CHCHD6: variants seen among roughly 807,000 people sequenced by gnomAD.
CHCHD6 encodes MICOS complex subunit MIC25.
CHCHD6 carries 28 observed loss-of-function variants against 32.3 expected under a neutral mutation model. The ratio of observed to expected loss-of-function variants is 0.87; its 90% CI spans 0.64 to 1.19. The LOEUF is 1.19. Among genes scored for constraint, CHCHD6 ranks in the 50% most tolerant of loss-of-function variants. The pLI is 0.00. For missense variants in CHCHD6, 333 were observed against 307.0 expected (o/e 1.08, Z -0.63); for synonymous variants, 122 against 117.5 (o/e 1.04, Z -0.25).
intron 1 of CHCHD6, among the ~76,000 whole-genome samples, chr3:126,715,381 A>T (rs17693438): frequency 6.6e-6 from 1 of 152,150 alleles, no homozygotes; most frequent in East Asian, 1.9e-4. Context: ...ATGCTCTAGG[A>T]ACGGCAAGTC....
chr3:126,937,755 CT>C (rs2078502266), intron 6 of CHCHD6, among the ~76,000 whole-genome samples: 2 of 152,278 alleles, frequency 1.3e-5, no homozygotes, highest in South Asian at 4.1e-4. Context: ...TATCCTCAGG[CT>C]GACCACAGCA....
intron 6 of CHCHD6, among the ~76,000 whole-genome samples, chr3:126,953,741 C>T (rs1469655284): frequency 1.3e-5 from 2 of 152,180 alleles, no homozygotes; most frequent in African/African-American, 4.8e-5. Flanking sequence ...TGAACCCCTT[C>T]GAAGCCACAT....
At chr3:126,705,521 A>G (rs1408307994) in intron 1 of CHCHD6, among the ~76,000 whole-genome samples, 1 of 152,238 alleles carries the variant, frequency 6.6e-6, no homozygotes, top group Non-Finnish European at 1.5e-5. Context: ...AAGATCATGT[A>G]AATAGTAAGT....
At chr3:126,814,160 G>A (rs981788716) in intron 4 of CHCHD6, among the ~76,000 whole-genome samples, 3 of 152,190 alleles carry the variant, frequency 2.0e-5, no homozygotes, top group Non-Finnish European at 4.4e-5. Context: ...GTAGAGGTAG[G>A]GAAGATGTCT....
At chr3:126,776,459 G>C (rs561308700) in intron 4 of CHCHD6, among the ~76,000 whole-genome samples, 3 of 152,222 alleles carry the variant, frequency 2.0e-5, no homozygotes, top group African/African-American at 7.2e-5. Context: ...AGTCAAGCTA[G>C]AGATCACCAC....
chr3:126,949,128 T>A (rs2078679252), intron 6 of CHCHD6: 1 of 152,416 alleles, frequency 6.6e-6, no homozygotes, highest in African/African-American at 2.4e-5. Context: ...CCTCCAATGC[T>A]CCTGCTTGGC....
chr3:126,844,257 T>A (rs1012462697), intron 4 of CHCHD6, among the ~76,000 whole-genome samples: 2 of 152,240 alleles, frequency 1.3e-5, no homozygotes, highest in African/African-American at 4.8e-5. Flanking sequence ...GTTCAAATCT[T>A]CCATATCCTT....
At chr3:126,778,250 T>C (rs1258647464) in intron 4 of CHCHD6, among the ~76,000 whole-genome samples, 2 of 152,252 alleles carry the variant, frequency 1.3e-5, no homozygotes, top group Non-Finnish European at 2.9e-5. Flanking sequence ...CAAGTTTTTC[T>C]GTGGATATGT....
At chr3:126,808,626 G>A (rs1012285603) in intron 4 of CHCHD6, among the ~76,000 whole-genome samples, 7 of 152,176 alleles carry the variant, frequency 4.6e-5, no homozygotes, top group Non-Finnish European at 1.5e-5. Flanking sequence ...ATTTAACCAT[G>A]TCAATGTAGT....
intron 6 of CHCHD6, among the ~76,000 whole-genome samples, chr3:126,943,546 T>A (rs1328791980): frequency 6.6e-6 from 1 of 152,290 alleles, no homozygotes; most frequent in Non-Finnish European, 1.5e-5. Context: ...AGGCACATTT[T>A]CTGGGTGCTT....
chr3:126,742,723 T>A (rs1244473371), intron 4 of CHCHD6, among the ~76,000 whole-genome samples: 6 of 152,300 alleles, frequency 3.9e-5, no homozygotes, highest in South Asian at 4.1e-4. Context: ...ACCTCAGGAC[T>A]TCTCAGAGAG....
At chr3:126,938,070 C>A (rs1396887915) in intron 6 of CHCHD6, among the ~76,000 whole-genome samples, 1 of 152,192 alleles carries the variant, frequency 6.6e-6, no homozygotes, top group East Asian at 1.9e-4. Flanking sequence ...CCCCAGGAAT[C>A]CTGAGAAACA....
At chr3:126,743,221 G>A (rs752640673) in intron 4 of CHCHD6, among the ~76,000 whole-genome samples, 2 of 152,184 alleles carry the variant, frequency 1.3e-5, no homozygotes, top group Admixed American at 6.5e-5. Flanking sequence ...TAGGAAGGGG[G>A]AGCCCAACAT....
At chr3:126,711,270 T>C (rs1023407378) in intron 1 of CHCHD6, among the ~76,000 whole-genome samples, 1 of 152,352 alleles carries the variant, frequency 6.6e-6, no homozygotes, top group East Asian at 1.9e-4. Context: ...GGCGATCTTG[T>C]GGCAGCTGTG....
At chr3:126,864,428 TCCA>T (rs1035916093) in intron 5 of CHCHD6, among the ~76,000 whole-genome samples, 1 of 136,324 alleles carries the variant, frequency 7.3e-6, no homozygotes. Flanking sequence ...CTGCTCCTCC[TCCA>T]CCACCTTCAC....
At chr3:126,869,895 A>G (rs2077442112) in intron 5 of CHCHD6, among the ~76,000 whole-genome samples, 2 of 152,132 alleles carry the variant, frequency 1.3e-5, no homozygotes, top group South Asian at 4.1e-4. Flanking sequence ...AGTCACATTC[A>G]TTGCTTTCTG....
intron 6 of CHCHD6, among the ~76,000 whole-genome samples, chr3:126,947,043 G>T (rs1387393450): frequency 6.6e-6 from 1 of 152,248 alleles, no homozygotes; most frequent in East Asian, 1.9e-4. Context: ...GGCGCTGGGC[G>T]CGCTCCACAG....
chr3:126,852,455 C>G (rs181729094), intron 4 of CHCHD6, among the ~76,000 whole-genome samples, 192 bp from the exon 5 acceptor site: 5 of 152,236 alleles, frequency 3.3e-5, no homozygotes, highest in African/African-American at 1.2e-4. Context: ...TAGTAATTAC[C>G]CACCTTGAAG....
chr3:126,904,154 C>T (rs999889794), intron 5 of CHCHD6, among the ~76,000 whole-genome samples: 2 of 152,222 alleles, frequency 1.3e-5, no homozygotes, highest in Non-Finnish European at 1.5e-5. Flanking sequence ...ACCCTTCCCT[C>T]ATACTGTCTC....
Sources: allele counts gnomAD v4.1 joint callset (sites outside exome capture counted in the v4.1 genomes callset), GRCh38; gene constraint gnomAD v4.1.1; transcripts MANE v1.5; gene names NCBI Gene and HGNC (gene_info 2026-07-23, HGNC 2026-07-21).